Variants in PLXND1 observed in about 807,000 individuals in gnomAD.
PLXND1 encodes plexin-D1.
Under a neutral mutation model 197.7 loss-of-function variants are expected in PLXND1, and 54 were observed. That is an observed-to-expected ratio of 0.27 (90% confidence interval 0.22 to 0.34). PLXND1 has a LOEUF of 0.34. Among genes scored for constraint, PLXND1 ranks in the 10% least tolerant of loss-of-function variants. The pLI, the probability that PLXND1 is intolerant of heterozygous loss-of-function variation, is 1.00. For missense variants in PLXND1, 2,127 were observed against 2,699.2 expected, an observed-to-expected ratio of 0.79 and a Z score of 4.70; for synonymous variants, 1,180 against 1,161.2, an observed-to-expected ratio of 1.02 and a Z score of -0.33.
intron 1 of PLXND1, 24 bp downstream of exon 1, chr3:129,605,305 G>GCCGCCGCCGCCA (rs1553794860): frequency 8.8e-7 from 1 of 1,134,954 alleles, no homozygotes; most frequent in East Asian, 3.6e-5. Flanking sequence ...CGCCGCCGCC[G>GCCGCCGCCGCCA]CCGCCGCCAC....
At chr3:129,598,838 A>G (rs552866817) in intron 1 of PLXND1, among the ~76,000 whole-genome samples, 1 of 152,266 alleles carries the variant, frequency 6.6e-6, no homozygotes, top group East Asian at 1.9e-4. Context: ...GTGTGACCTC[A>G]GGCAAGATGC....
intron 30 of PLXND1, 73 bp downstream of exon 30, chr3:129,560,616 C>A: frequency 8.2e-7 from 1 of 1,220,490 alleles, no homozygotes; most frequent in South Asian, 1.2e-5. Flanking sequence ...TCCCAAGAGG[C>A]CCAGGGCCAC....
rs758395993 is a variant in PLXND1 at position 129,572,956 on chromosome 3, T to G, written c.2838-15A>C. On this transcript the variant is annotated splice_polypyrimidine_tract_variant and intron_variant, in intron 13 of 35. Coordinates refer to ENST00000324093, the MANE Select transcript of PLXND1 (RefSeq NM_015103.3). Reference sequence around the variant, plus strand: ...CACACACGATCCTGAGGGGAGGTGCTGTGGTCAGCCAGCGGTCCTTGGCCC... The same window carrying G: ...CACACACGATCCTGAGGGGAGGTGCGGTGGTCAGCCAGCGGTCCTTGGCCC... 2 of 1,599,536 alleles carry G rather than the reference T, an allele frequency of 1.3e-6. No homozygotes were observed. Among genetic ancestry groups the G allele is most frequent in the Non-Finnish European group, 1.7e-6 (2 of 1,167,984 alleles).
At chr3:129,583,762 C>T in intron 7 of PLXND1, 93 bp from the exon 8 acceptor site, 1 of 809,340 alleles carries the variant, frequency 1.2e-6, no homozygotes, top group South Asian at 1.5e-5. Context: ...GATCCCAGCA[C>T]AGGGAAAGGT....
intron 8 of PLXND1, chr3:129,578,645 A>T (rs987685976): frequency 3.6e-6 from 2 of 551,054 alleles, no homozygotes; most frequent in Admixed American, 3.4e-5. Context: ...CTGTTTAAAG[A>T]TGAGGAAGGT....
chr3:129,569,927 C>A lies in PLXND1; in HGVS notation c.3781G>T (p.Ala1261Ser), dbSNP rs572370997. 1 of 1,612,744 alleles carries A rather than the reference C, an allele frequency of 6.2e-7. No homozygotes were observed. The highest frequency in any genetic ancestry group is 8.5e-7 in the Non-Finnish European group (1 of 1,178,918). ...IQVGNFNQTI[A>S]TLQLGGSETA... is the part of the protein sequence containing the mutation. ...TCGCTGCCCCCCAGCTGCAGTGTGGCGATGGTCTGGTTGAAGTTCCCTACC... is the reference window on the plus strand; with the variant it reads ...TCGCTGCCCCCCAGCTGCAGTGTGGAGATGGTCTGGTTGAAGTTCCCTACC... The change falls in exon 20 of 36, where the codon GCC becomes TCC. Residue 1261 changes from alanine to serine, a missense_variant. Transcript: ENST00000324093.
chr3:129,583,002 C>T (rs539650741), intron 8 of PLXND1, among the ~76,000 whole-genome samples: 3 of 152,300 alleles, frequency 2.0e-5, no homozygotes, highest in East Asian at 1.9e-4. Context: ...ACCCTTGGGA[C>T]GCCACTGCTC....
rs1244752511 is a variant in PLXND1, at chr3:129,561,720, G to A, written c.4930-11C>T. 3 of 1,598,686 alleles carry A rather than the reference G, an allele frequency of 1.9e-6. No homozygotes were observed. Among genetic ancestry groups the A allele is most frequent in the African/African-American group, 2.7e-5 (2 of 74,738 alleles). ...GGCACCTTCAGGGATCTGATGGGAG[G>A]GGAGAGGCCGAGGTCAGAGGCCGGA... On this transcript the variant is annotated splice_polypyrimidine_tract_variant and intron_variant, in intron 28 of 35. Coordinates refer to ENST00000324093, the MANE Select transcript of PLXND1 (RefSeq NM_015103.3).
In PLXND1 at chr3:129,606,009, C is replaced by T; in HGVS notation, c.631G>A (p.Ala211Thr). Residue 211 changes from alanine (A) to threonine (T), a missense_variant, in exon 1 of 36, where the codon GCC becomes ACC. Ala to Thr is a moderately conservative substitution (Grantham distance 58). This residue lies in a region of PLXND1 where 1,095 missense variants were observed against 1,259.8 expected (regional missense o/e 0.87). Coordinates refer to ENST00000324093, the MANE Select transcript of PLXND1 (RefSeq NM_015103.3). ...GAGCTGCCGTAACCGGTGTACGTGGCGCCCACGAGCAGGCGGCTGCCCCCC... is the reference window on the plus strand; with the variant it reads ...GAGCTGCCGTAACCGGTGTACGTGGTGCCCACGAGCAGGCGGCTGCCCCCC... ...GAGGSRLLVGATYTGYGSSFF... is the reference protein window; with the variant it reads ...GAGGSRLLVGTTYTGYGSSFF... 1.9e-6 allele frequency: 3 copies of T among 1,608,108 alleles called. No individual in the cohort carries two copies. The highest frequency in any genetic ancestry group is 2.5e-6 in the Non-Finnish European group (3 of 1,178,832).
Position 129,595,919 on chromosome 3 carries a change from A to ACG in PLXND1, c.1312-6394_1312-6393dup, listed in dbSNP as rs753387166. Among the ~76,000 whole-genome samples, 568 of 107,676 alleles carry ACG rather than the reference A, an allele frequency of 5.3e-3. 4 individuals are homozygous for ACG. The highest frequency in any genetic ancestry group is 0.019 in the African/African-American group (511 of 27,478). The allele number at this position is 107,676 out of a possible 152,430, so 70.6% of individuals were successfully genotyped here. A position where few individuals can be genotyped will look rare whatever the true frequency, so the allele number is the denominator to read the frequency against. ...ACCTTACAGCCCTGGGGGTGCACGC[A>ACG]CGCACACACACACACACACACACAC... is the stretch of plus-strand genomic sequence containing the variant. On this transcript the variant is annotated intron_variant, in intron 1 of 35. Transcript: ENST00000324093.
chr3:129,604,632 A>G (rs955317958), intron 1 of PLXND1, among the ~76,000 whole-genome samples: 15 of 152,240 alleles, frequency 9.9e-5, no homozygotes, highest in African/African-American at 3.6e-4. Flanking sequence ...GAATAGGTGA[A>G]TAAAAGTTGG....
At position 129,558,953 on chromosome 3, in the gene PLXND1, G is replaced by T. The variant is rs902810313; in HGVS notation, c.5298-378C>A. ...AGCAGAGCAGCTGTGGCAGGGCTGT[G>T]GGGGGCAGGGCCTGGAGCTCTGGCC... On this transcript the variant is annotated intron_variant, in intron 32 of 35. Coordinates refer to ENST00000324093, the MANE Select transcript of PLXND1 (RefSeq NM_015103.3). The surrounding 1 kb of genome is among the most constrained non-coding windows in gnomAD (Gnocchi z 4.1). 5.3e-5 allele frequency among the ~76,000 whole-genome samples: 8 copies of T among 152,124 alleles called. No individual in the cohort carries two copies. Among genetic ancestry groups the T allele is most frequent in the Non-Finnish European group, 8.8e-5 (6 of 68,014 alleles).
intron 35 of PLXND1, 57 bp from the exon 36 acceptor site, chr3:129,556,485 G>A: frequency 6.9e-7 from 1 of 1,440,040 alleles, no homozygotes. Flanking sequence ...CTCAGTTCGT[G>A]GGAGAGAACA....
chr3:129,570,164 G>C (rs1229787872), intron 19 of PLXND1, among the ~76,000 whole-genome samples: 1 of 152,164 alleles, frequency 6.6e-6, no homozygotes, highest in Non-Finnish European at 1.5e-5. Flanking sequence ...CCTGGGCCTG[G>C]CACAGAGGTG....
At chr3:129,599,982 G>T (rs564801386) in intron 1 of PLXND1, among the ~76,000 whole-genome samples, 88 of 152,356 alleles carry the variant, frequency 5.8e-4, no homozygotes, top group African/African-American at 2.0e-3. Flanking sequence ...TGCCTGACCA[G>T]GGGAGGGGCA....
Position 129,558,569 on chromosome 3 carries a change from A to G in PLXND1, c.5304T>C (p.Pro1768=), listed in dbSNP as rs367901043. The change falls in exon 33 of 36, where the codon CCT becomes CCC. Residue 1768 remains proline, a synonymous_variant. Coordinates refer to ENST00000324093, the MANE Select transcript of PLXND1 (RefSeq NM_015103.3). This position sits in a 1 kb window ranked among gnomAD's most constrained non-coding sequence, Gnocchi z 4.1. ...TLHIWKTNSL[P]LRFWVNILKN... is the part of the protein sequence containing the mutation. ...TCAGGATGTTCACCCAGAACCGGAG[A>G]GGAAGGCTGTGGGGTAGGGTGACAA... 1 of 1,613,888 alleles carries G rather than the reference A, an allele frequency of 6.2e-7. No individual in the cohort carries two copies. Among genetic ancestry groups the G allele is most frequent in the East Asian group, 2.2e-5 (1 of 44,884 alleles).
intron 8 of PLXND1, among the ~76,000 whole-genome samples, chr3:129,583,086 G>A (rs1039584975): frequency 1.3e-5 from 2 of 152,180 alleles, no homozygotes; most frequent in African/African-American, 4.8e-5. Context: ...GGGCTCCAGG[G>A]GCAGAGGGAC....
intron 2 of PLXND1, among the ~76,000 whole-genome samples, chr3:129,588,163 G>T (rs2085487343): frequency 6.6e-6 from 1 of 152,254 alleles, no homozygotes; most frequent in African/African-American, 2.4e-5. Flanking sequence ...CTGTGGCGGG[G>T]TGTGGGCTAT....
At chr3:129,594,132 C>T (rs539861884) in intron 1 of PLXND1, among the ~76,000 whole-genome samples, 3 of 152,324 alleles carry the variant, frequency 2.0e-5, no homozygotes, top group Admixed American at 6.5e-5. Flanking sequence ...GTTGCAAAAT[C>T]CAGCGGTTCC....
Sources: allele counts gnomAD v4.1 joint callset (sites outside exome capture counted in the v4.1 genomes callset), GRCh38; gene constraint gnomAD v4.1.1; regional missense constraint gnomAD v4.1.1; non-coding constraint Gnocchi (gnomAD v3.1); transcripts MANE v1.5; gene names NCBI Gene and HGNC (gene_info 2026-07-23, HGNC 2026-07-21).